Variants in GPC6 observed in about 807,000 individuals in gnomAD.
GPC6 encodes the protein glypican-6.
Under a neutral mutation model 55.2 loss-of-function variants are expected in GPC6, and 14 were observed. The ratio of observed to expected loss-of-function variants is 0.25; its 90% CI spans 0.17 to 0.40. The LOEUF is 0.40. Ranked by LOEUF, GPC6 falls within the 10% of genes least tolerant of loss-of-function variation. GPC6 has a pLI of 1.00. For synonymous variants in GPC6, 278 were observed against 259.6 expected, an observed-to-expected ratio of 1.07 and a Z score of -0.68; for missense variants, 641 against 708.5, an observed-to-expected ratio of 0.90 and a Z score of 1.08.
At chr13:94,110,748 G>T (rs1171700381) in intron 4 of GPC6, among the ~76,000 whole-genome samples, 2 of 152,098 alleles carry the variant, frequency 1.3e-5, no homozygotes, top group African/African-American at 4.8e-5. Flanking sequence ...TGTTATAAAA[G>T]ATTTAGATGT....
At chr13:93,515,697 T>C (rs575425549) in intron 1 of GPC6, among the ~76,000 whole-genome samples, 1 of 152,344 alleles carries the variant, frequency 6.6e-6, no homozygotes, top group Admixed American at 6.5e-5. Context: ...CTTACTAGTC[T>C]GTCTTTTAAA....
intron 6 of GPC6, among the ~76,000 whole-genome samples, chr13:94,342,638 C>T (rs1202548457): frequency 6.6e-6 from 1 of 152,188 alleles, no homozygotes; most frequent in East Asian, 1.9e-4. Flanking sequence ...ACTTTCCTGG[C>T]AGCCCCGGGA....
chr13:93,645,371 A>G (rs1040755420), intron 2 of GPC6, among the ~76,000 whole-genome samples: 2 of 152,168 alleles, frequency 1.3e-5, no homozygotes, highest in Non-Finnish European at 2.9e-5. Flanking sequence ...AAGAAAGGTT[A>G]CATAGTTGGT....
chr13:93,690,308 T>C (rs1407846094), intron 2 of GPC6, among the ~76,000 whole-genome samples: 1 of 151,886 alleles, frequency 6.6e-6, no homozygotes, highest in Non-Finnish European at 1.5e-5. Context: ...GTAGTGCAAG[T>C]CAGGAGGACA....
chr13:93,270,573 A>G (rs1229214549), intron 1 of GPC6, among the ~76,000 whole-genome samples: 3 of 152,064 alleles, frequency 2.0e-5, no homozygotes, highest in African/African-American at 7.2e-5. Context: ...ATGCTTTTGA[A>G]TTCTACTTAT....
chr13:93,914,874 C>G (rs1326875996), intron 3 of GPC6, among the ~76,000 whole-genome samples: 1 of 152,194 alleles, frequency 6.6e-6, no homozygotes, highest in African/African-American at 2.4e-5. Flanking sequence ...TATACTGAAG[C>G]AATGTGCTAA....
intron 2 of GPC6, among the ~76,000 whole-genome samples, chr13:93,803,565 A>G (rs1431853654): frequency 6.6e-6 from 1 of 152,222 alleles, no homozygotes; most frequent in Non-Finnish European, 1.5e-5. Flanking sequence ...CATATTCCCC[A>G]GCAATTTCAC....
At chr13:94,074,177 C>T (rs1032756529) in intron 4 of GPC6, among the ~76,000 whole-genome samples, 1 of 152,112 alleles carries the variant, frequency 6.6e-6, no homozygotes, top group African/African-American at 2.4e-5. Flanking sequence ...AGCCTCCATG[C>T]ATTTTTTCAG....
intron 2 of GPC6, among the ~76,000 whole-genome samples, chr13:93,814,734 TA>T (rs1163537155): frequency 6.6e-6 from 1 of 152,212 alleles, no homozygotes; most frequent in Non-Finnish European, 1.5e-5. Context: ...ATTTGAATTT[TA>T]TTATCTCCAC....
intron 2 of GPC6, among the ~76,000 whole-genome samples, chr13:93,657,969 A>G (rs1387623714): frequency 6.6e-6 from 1 of 152,086 alleles, no homozygotes; most frequent in African/African-American, 2.4e-5. Flanking sequence ...GTGAGGTTGC[A>G]GAGAAAAAGG....
At position 93,492,312 on chromosome 13, in the gene GPC6, G is replaced by T. The variant is rs955593537; in HGVS notation, c.161-52951G>T. Reference sequence around the variant, plus strand: ...TGAATGGGAGTTCACTCATGATTTGGCTCTCTGTTTGTCTGTTGTTGGTGT... The same window carrying T: ...TGAATGGGAGTTCACTCATGATTTGTCTCTCTGTTTGTCTGTTGTTGGTGT... On this transcript the variant is annotated intron_variant, in intron 1 of 8. Coordinates refer to ENST00000377047, the MANE Select transcript of GPC6 (RefSeq NM_005708.5). Among the ~76,000 whole-genome samples the T allele has an allele frequency of 4.3e-5, 6 of 138,328 alleles. 1 individual carries two copies. The highest frequency in any genetic ancestry group is 1.6e-4 in the African/African-American group (6 of 36,868). 90.7% of individuals were successfully genotyped at this position (138,328 alleles called of 152,430 possible). A position where few individuals can be genotyped will look rare whatever the true frequency, so the allele number is the denominator to read the frequency against.
chr13:94,226,334 A>G lies in GPC6; in HGVS notation c.878-60015A>G, dbSNP rs150686386. The stretch of plus-strand genomic sequence containing the variant: ...AGCGGGCCCAGAGTTACAGTTGGAT[A>G]GGAGGACTAAGTCCTGGTGCTCTGC... On this transcript the variant is annotated intron_variant, in intron 4 of 8. Coordinates refer to ENST00000377047, the MANE Select transcript of GPC6 (RefSeq NM_005708.5). Among the ~76,000 whole-genome samples, 21 of 152,276 alleles carry G rather than the reference A, an allele frequency of 1.4e-4. No individual in the cohort carries two copies. The East Asian group carries it at 4.1e-3, about 29-fold the overall frequency.
At chr13:93,632,765 C>T (rs1160291034) in intron 2 of GPC6, among the ~76,000 whole-genome samples, 1 of 151,852 alleles carries the variant, frequency 6.6e-6, no homozygotes, top group Non-Finnish European at 1.5e-5. Flanking sequence ...TATGTCTTTA[C>T]CTCCCTCACA....
At chr13:94,228,910 A>G (rs1890638562) in intron 4 of GPC6, among the ~76,000 whole-genome samples, 1 of 152,198 alleles carries the variant, frequency 6.6e-6, no homozygotes, top group Non-Finnish European at 1.5e-5. Context: ...AATGGGGATT[A>G]CTTACACAGA....
intron 2 of GPC6, among the ~76,000 whole-genome samples, chr13:93,628,066 C>T (rs1566457331): frequency 6.6e-6 from 1 of 152,244 alleles, no homozygotes; most frequent in African/African-American, 2.4e-5. Flanking sequence ...AGTCTTGCTC[C>T]ATAGAGCTGG....
chr13:93,902,668 G>A (rs193284204), intron 3 of GPC6, among the ~76,000 whole-genome samples: 4 of 152,156 alleles, frequency 2.6e-5, no homozygotes, highest in Admixed American at 6.5e-5. Flanking sequence ...TTATATTCCC[G>A]CTAACAGTTT....
At chr13:93,481,787 T>C (rs1195644148) in intron 1 of GPC6, among the ~76,000 whole-genome samples, 3 of 152,202 alleles carry the variant, frequency 2.0e-5, no homozygotes, top group Non-Finnish European at 2.9e-5. Context: ...CTGTTTATGC[T>C]CATGCTAGTA....
chr13:94,290,815 A>G (rs1874920820), intron 5 of GPC6, among the ~76,000 whole-genome samples: 1 of 152,240 alleles, frequency 6.6e-6, no homozygotes, highest in African/African-American at 2.4e-5. Flanking sequence ...TTCCAACTAC[A>G]TTATTATAGT....
chr13:93,908,756 C>T lies in GPC6; in HGVS notation c.711+78211C>T, dbSNP rs552658546. ...ATTCCTCCATTTCTTTCTACTCCAGCTTTCTTACTGTTTCTTGAACAATTC... is the reference window on the plus strand; with the variant it reads ...ATTCCTCCATTTCTTTCTACTCCAGTTTTCTTACTGTTTCTTGAACAATTC... On this transcript the variant is annotated intron_variant, in intron 3 of 8. Transcript: ENST00000377047. Among the ~76,000 whole-genome samples the T allele has an allele frequency of 5.3e-5, 8 of 152,286 alleles. No individual in the cohort carries two copies. The East Asian group carries it at 1.4e-3, about 26-fold the overall frequency.
Sources: gnomAD v4.1 joint callset for allele counts (sites outside exome capture counted in the v4.1 genomes callset) on GRCh38, gnomAD v4.1.1 for gene constraint, MANE v1.5 for transcripts, NCBI Gene and HGNC (gene_info 2026-07-23, HGNC 2026-07-21) for gene names.